SMURF2: variants seen among roughly 807,000 people sequenced by gnomAD.
The protein encoded by SMURF2 is E3 ubiquitin-protein ligase SMURF2.
Under a neutral mutation model 109.6 loss-of-function variants are expected in SMURF2, and 48 were observed. The ratio of observed to expected loss-of-function variants is 0.44; its 90% confidence interval spans 0.35 to 0.56. The LOEUF is 0.56. SMURF2 is among the 20% of genes least tolerant of loss of function. SMURF2 has a pLI of 0.01. For missense variants in SMURF2, 575 were observed against 909.0 expected (o/e 0.63, Z 4.72); for synonymous variants, 288 against 317.1 (o/e 0.91, Z 0.97).
At chr17:64,631,864 A>G (rs1415723874) in intron 1 of SMURF2, among the ~76,000 whole-genome samples, 1 of 149,910 alleles carries the variant, frequency 6.7e-6, no homozygotes, top group Non-Finnish European at 1.5e-5. Context: ...GATCAGCAAC[A>G]TGGGGTCAGC....
intron 15 of SMURF2, among the ~76,000 whole-genome samples, chr17:64,554,426 G>C (rs981788304): frequency 7.2e-5 from 11 of 152,078 alleles, no homozygotes; most frequent in Non-Finnish European, 1.5e-4. Context: ...ATGGGGGGAG[G>C]GAGTGGCTAT....
At chr17:64,619,478 CAAAA>C (rs552413988) in intron 1 of SMURF2, among the ~76,000 whole-genome samples, 7 of 34,930 alleles carry the variant, frequency 2.0e-4, no homozygotes, top group African/African-American at 4.4e-4. Flanking sequence ...ACTCTTGTCT[CAAAA>C]AAAAAAAAAA....
intron 1 of SMURF2, among the ~76,000 whole-genome samples, chr17:64,612,577 G>A (rs1023062496): frequency 6.6e-6 from 1 of 152,032 alleles, no homozygotes; most frequent in Admixed American, 6.6e-5. Flanking sequence ...AGGAGGCTGA[G>A]GCATGAGAAT....
At chr17:64,648,753 C>CAAACAA (rs1377003997) in intron 1 of SMURF2, among the ~76,000 whole-genome samples, 1 of 152,088 alleles carries the variant, frequency 6.6e-6, no homozygotes, top group Non-Finnish European at 1.5e-5. Flanking sequence ...GACCCTGTTT[C>CAAACAA]AAACAAAAAC....
chr17:64,632,725 G>A (rs552600890), intron 1 of SMURF2, among the ~76,000 whole-genome samples: 1 of 152,350 alleles, frequency 6.6e-6, no homozygotes, highest in South Asian at 2.1e-4. Flanking sequence ...TAGGAAGACA[G>A]TGTAACACAG....
In SMURF2 at chr17:64,547,541, C is replaced by T; in HGVS notation, c.2071+59G>A. On this transcript the variant is annotated intron_variant, in intron 17 of 18. Coordinates refer to ENST00000262435, the MANE Select transcript of SMURF2 (RefSeq NM_022739.4). The surrounding 1 kb of genome is among the most constrained non-coding windows in gnomAD (Gnocchi z 4.2). ...GGTTTACAAAATATCTCCACAGACC[C>T]CACGCTGACAGCCCCGCCCCCACCC... is the stretch of plus-strand genomic sequence containing the variant. 7.0e-7 allele frequency: 1 copy of T among 1,431,910 alleles called. No homozygotes were observed. Among genetic ancestry groups the T allele is most frequent in the East Asian group, 2.3e-5 (1 of 44,024 alleles). 88.7% of individuals were successfully genotyped at this position (1,431,910 alleles called of 1,614,324 possible). A position where few individuals can be genotyped will look rare whatever the true frequency, so the allele number is the denominator to read the frequency against.
chr17:64,546,447 T>G, intron 17 of SMURF2, 109 bp from the exon 18 acceptor site: 1 of 887,132 alleles, frequency 1.1e-6, no homozygotes, highest in East Asian at 2.7e-5. Flanking sequence ...GATAGGGGAA[T>G]GCTAATGAAT....
chr17:64,554,463 G>A (rs527548457), intron 15 of SMURF2, among the ~76,000 whole-genome samples: 20 of 152,278 alleles, frequency 1.3e-4, no homozygotes, highest in African/African-American at 4.8e-4. Flanking sequence ...CATGGAGAGA[G>A]GGAATGGCCT....
chr17:64,586,518 G>A (rs1365302942), intron 5 of SMURF2, among the ~76,000 whole-genome samples: 16 of 151,944 alleles, frequency 1.1e-4, no homozygotes, highest in Non-Finnish European at 2.1e-4. Context: ...GGAGGCCGAG[G>A]CGGGCAGATC....
At chr17:64,652,537 G>A (rs565292297) in intron 1 of SMURF2, among the ~76,000 whole-genome samples, 8 of 152,198 alleles carry the variant, frequency 5.3e-5, no homozygotes, top group Non-Finnish European at 1.2e-4. Context: ...GCCCAGGCTG[G>A]AGTGCAGTGG....
At chr17:64,546,933 T>A (rs1305817396) in intron 17 of SMURF2, among the ~76,000 whole-genome samples, 1 of 152,250 alleles carries the variant, frequency 6.6e-6, no homozygotes, top group Admixed American at 6.5e-5. Context: ...TGGGCAGCAC[T>A]GTCGAATTAT....
chr17:64,598,373 GA>G lies in SMURF2; in HGVS notation c.200+8del, dbSNP rs1450595964. ...TATGTTCCATTTCAAACTAATTGTT[GA>G]AACCTACAGGTCATAATGCTGATTC... On this transcript the variant is annotated splice_region_variant and intron_variant, in intron 3 of 18. Transcript: ENST00000262435. 2.6e-6 allele frequency: 4 copies of G among 1,559,904 alleles called. No homozygotes were observed. The highest frequency in any genetic ancestry group is 3.5e-6 in the Non-Finnish European group (4 of 1,150,978).
chr17:64,600,970 C>T (rs1969886636), intron 2 of SMURF2, among the ~76,000 whole-genome samples: 1 of 151,972 alleles, frequency 6.6e-6, no homozygotes, highest in African/African-American at 2.4e-5. Flanking sequence ...AAGGACTGGC[C>T]AGACACAGTA....
intron 1 of SMURF2, among the ~76,000 whole-genome samples, chr17:64,641,366 AAGT>A (rs1268160990): frequency 6.6e-5 from 10 of 152,242 alleles, no homozygotes; most frequent in Admixed American, 3.9e-4. Context: ...AAAAAACAAA[AAGT>A]AGCAGCACCT....
chr17:64,616,117 A>C (rs1013757270), intron 1 of SMURF2, among the ~76,000 whole-genome samples: 1 of 152,218 alleles, frequency 6.6e-6, no homozygotes, highest in African/African-American at 2.4e-5. Flanking sequence ...GGCGTCAGCC[A>C]CCACACCCGG....
At chr17:64,645,622 G>A (rs1173117306) in intron 1 of SMURF2, among the ~76,000 whole-genome samples, 1 of 152,142 alleles carries the variant, frequency 6.6e-6, no homozygotes, top group South Asian at 2.1e-4. Flanking sequence ...AGAATAATTG[G>A]ACATGCATGT....
chr17:64,658,407 T>C (rs373195868), intron 1 of SMURF2, among the ~76,000 whole-genome samples: 2 of 152,108 alleles, frequency 1.3e-5, no homozygotes, highest in East Asian at 1.9e-4. Context: ...ACCTGTGAAA[T>C]AGAATTAAGC....
At chr17:64,580,196 A>G (rs976906527) in intron 8 of SMURF2, among the ~76,000 whole-genome samples, 1 of 152,232 alleles carries the variant, frequency 6.6e-6, no homozygotes, top group Non-Finnish European at 1.5e-5. Flanking sequence ...GTATTAAATT[A>G]GAAACTTCCG....
At chr17:64,657,531 GAA>G (rs534124509) in intron 1 of SMURF2, among the ~76,000 whole-genome samples, 8 of 134,760 alleles carry the variant, frequency 5.9e-5, no homozygotes, top group Admixed American at 2.3e-4. Flanking sequence ...ATCTGTACTG[GAA>G]AAAAAAAAAA....
Sources: allele counts gnomAD v4.1 joint callset (sites outside exome capture counted in the v4.1 genomes callset), GRCh38; gene constraint gnomAD v4.1.1; non-coding constraint Gnocchi (gnomAD v3.1); transcripts MANE v1.5; gene names NCBI Gene and HGNC (gene_info 2026-07-23, HGNC 2026-07-21).